The following CD99 variants were observed in gnomAD, a reference collection of about 807,000 sequenced individuals.
CD99 encodes the protein CD99 antigen.
A neutral mutation model predicts 28.4 loss-of-function variants in CD99; 19 were observed. The observed-to-expected ratio is 0.67, with a 90% CI of 0.47 to 0.98. The LOEUF is 0.98. CD99 is among the 50% of genes least tolerant of loss of function. The pLI, the probability that CD99 is intolerant of heterozygous loss-of-function variation, is 0.00. For synonymous variants in CD99, 103 were observed against 92.1 expected (o/e 1.12, Z -0.67); for missense variants, 283 against 248.8 (o/e 1.14, Z -0.92).
chrX:2,710,082 A>C (rs950549144), intron 1 of CD99, among the ~76,000 whole-genome samples: 1 of 152,190 alleles, frequency 6.6e-6, no homozygotes, highest in African/African-American at 2.4e-5. Flanking sequence ...TTCTGTGGAA[A>C]TATATAGCAG....
At chrX:2,737,977 T>G (rs2050029880) in intron 8 of CD99, 1 of 713,998 alleles carries the variant, frequency 1.4e-6, no homozygotes, top group Non-Finnish European at 2.6e-6. Context: ...CCTGTTGAAG[T>G]TCATCTCTGC....
At position 2,723,344 on chromosome X, in the gene CD99, A is replaced by G. The variant is rs985740915; in HGVS notation, c.341A>G (p.His114Arg). The part of the protein sequence containing the change: ...GKGGSDGGGS[H>R]RKEGEEADAP... ...GGAGGCAGTGATGGTGGAGGCAGCCACAGGAAAGAAGGGGAAGAGGGTAGG... is the reference window on the plus strand; with the variant it reads ...GGAGGCAGTGATGGTGGAGGCAGCCGCAGGAAAGAAGGGGAAGAGGGTAGG... The change falls in exon 7 of 10, where the codon CAC (histidine) becomes CGC (arginine). Residue 114 changes from histidine to arginine, a missense_variant. By Grantham distance (29) the His-to-Arg change is conservative. Coordinates refer to ENST00000381192, the MANE Select transcript of CD99 (RefSeq NM_002414.5). 6.2e-7 allele frequency: 1 copy of G among 1,613,838 alleles called. No homozygotes were observed. The highest frequency in any genetic ancestry group is 1.3e-5 in the African/African-American group (1 of 74,924).
chrX:2,702,431 A>C (rs944956618), intron 1 of CD99, among the ~76,000 whole-genome samples: 1 of 151,858 alleles, frequency 6.6e-6, no homozygotes, highest in South Asian at 2.1e-4. Flanking sequence ...AAAGACAATG[A>C]TATATTTTGG....
chrX:2,720,390 G>A lies in CD99; in HGVS notation c.228G>A (p.Met76Ile). The A allele has an allele frequency of 6.2e-7, 1 of 1,613,740 alleles. No individual in the cohort carries two copies. Among genetic ancestry groups the A allele is most frequent in the South Asian group, 1.1e-5 (1 of 91,054 alleles). The change falls in exon 5 of 10, where the codon ATG becomes ATA. Residue 76 changes from methionine (M) to isoleucine (I), a missense_variant. Met to Ile is a conservative substitution (Grantham distance 10, BLOSUM62 1). Coordinates refer to ENST00000381192, the MANE Select transcript of CD99 (RefSeq NM_002414.5). ...DPRPPNPPKP[M>I]PNPNPNHPSS... ...GACCACCGAACCCACCCAAACCGAT[G>A]CCAAATCCAAACCCCAACCACCCTA... is the stretch of plus-strand genomic sequence containing the variant.
chrX:2,734,817 A>C (rs895030495), intron 8 of CD99, among the ~76,000 whole-genome samples: 5 of 83,846 alleles, frequency 6.0e-5, no homozygotes, highest in Non-Finnish European at 1.1e-4. Context: ...TATTCCTTTT[A>C]ATTTTTTCTT....
At chrX:2,698,476 A>AT (rs1246259763) in intron 1 of CD99, among the ~76,000 whole-genome samples, 2 of 151,038 alleles carry the variant, frequency 1.3e-5, no homozygotes, top group South Asian at 2.1e-4. Flanking sequence ...GCCTGCAATC[A>AT]TTTTTTTTGA....
intron 1 of CD99, among the ~76,000 whole-genome samples, chrX:2,698,855 C>T (rs1241585139): frequency 6.6e-6 from 1 of 151,948 alleles, no homozygotes. Flanking sequence ...GGCCCCATTG[C>T]GGGAAGCTTG....
At chrX:2,708,109 G>T (rs187533745) in intron 1 of CD99, among the ~76,000 whole-genome samples, 4 of 144,094 alleles carry the variant, frequency 2.8e-5, no homozygotes, top group African/African-American at 1.1e-4. Flanking sequence ...ATATACACCT[G>T]GGGGACTGCC....
chrX:2,739,217 A>G (rs2050088716), intron 9 of CD99, among the ~76,000 whole-genome samples: 1 of 152,178 alleles, frequency 6.6e-6, no homozygotes, highest in Non-Finnish European at 1.5e-5. Flanking sequence ...AATGTGGTTA[A>G]GAAGAGACTT....
Position 2,740,922 on chromosome X carries a change from ATTCT to A in CD99, c.*121_*124del. The stretch of plus-strand genomic sequence containing the variant: ...GATGGAGGCCTTCTGTTCACGGCGG[ATTCT>A]TTGTTTTAATCTTGCGATGTGCTTT... On this transcript the variant is annotated 3_prime_UTR_variant, in exon 10 of 10. Coordinates refer to ENST00000381192, the MANE Select transcript of CD99 (RefSeq NM_002414.5). The A allele has an allele frequency of 2.7e-6, 3 of 1,119,948 alleles. No individual in the cohort carries two copies. In the Admixed American group the frequency reaches 5.3e-5, roughly 20 times the overall value. The allele number at this position is 1,119,948 out of a possible 1,614,324, so 69.4% of individuals were successfully genotyped here.
chrX:2,721,318 C>T (rs1477240440), intron 5 of CD99, among the ~76,000 whole-genome samples: 1 of 151,554 alleles, frequency 6.6e-6, no homozygotes. Context: ...GGGTCTCACT[C>T]TGTTGTCCAG....
At chrX:2,736,873 T>TA (rs1556341879) in intron 8 of CD99, among the ~76,000 whole-genome samples, 101 of 148,662 alleles carry the variant, frequency 6.8e-4, no homozygotes, top group African/African-American at 2.1e-3. Context: ...ATAATAATAA[T>TA]AATAAATAAA....
At chrX:2,697,455 A>G (rs1328553714) in intron 1 of CD99, among the ~76,000 whole-genome samples, 2 of 151,974 alleles carry the variant, frequency 1.3e-5, no homozygotes, top group Non-Finnish European at 2.9e-5. Flanking sequence ...TGCAGGCATT[A>G]CTCATCAGCG....
Position 2,716,207 on chromosome X carries a change from C to T in CD99, c.101-1398C>T, listed in dbSNP as rs570535744. 7.5e-4 allele frequency among the ~76,000 whole-genome samples: 114 copies of T among 152,106 alleles called. 1 individual carries two copies. In the South Asian group the frequency reaches 0.019, roughly 25 times the overall value. On this transcript the variant is annotated intron_variant, in intron 2 of 9. Coordinates refer to ENST00000381192, the MANE Select transcript of CD99 (RefSeq NM_002414.5). Reference sequence around the variant, plus strand: ...CTAGTTTTTGTATTTTCAGTACAGACGGGGTTTCATAATGTTGGTCAGGCT... The same window carrying T: ...CTAGTTTTTGTATTTTCAGTACAGATGGGGTTTCATAATGTTGGTCAGGCT...
intron 8 of CD99, chrX:2,733,508 G>C: frequency 1.1e-6 from 1 of 909,918 alleles, no homozygotes; most frequent in Non-Finnish European, 1.7e-6. Flanking sequence ...ACCACGATGG[G>C]ATTCTCAATC....
At chrX:2,732,168 C>T (rs1229246477) in intron 8 of CD99, among the ~76,000 whole-genome samples, 1 of 152,000 alleles carries the variant, frequency 6.6e-6, no homozygotes. Context: ...CCATGTGATA[C>T]GAAGGGGCCT....
intron 9 of CD99, among the ~76,000 whole-genome samples, chrX:2,740,494 G>A (rs2050147318): frequency 6.6e-6 from 1 of 152,130 alleles, no homozygotes; most frequent in Non-Finnish European, 1.5e-5. Context: ...CATTTGGTAA[G>A]TTATAGGCAT....
At chrX:2,739,768 T>C (rs180990811) in intron 9 of CD99, among the ~76,000 whole-genome samples, 15 of 150,864 alleles carry the variant, frequency 9.9e-5, no homozygotes, top group Non-Finnish European at 2.1e-4. Context: ...ATTTTAAAGA[T>C]AGAGACTTCT....
chrX:2,726,889 C>T, intron 8 of CD99, among the ~76,000 whole-genome samples: 1 of 152,282 alleles, frequency 6.6e-6, no homozygotes, highest in Middle Eastern at 3.4e-3. Flanking sequence ...AATCCCAGCA[C>T]TTTGGGAGGC....
Sources: allele counts gnomAD v4.1 joint callset (sites outside exome capture counted in the v4.1 genomes callset), GRCh38; gene constraint gnomAD v4.1.1; transcripts MANE v1.5; gene names NCBI Gene and HGNC (gene_info 2026-07-23, HGNC 2026-07-21).